ZC2HC1B: variants seen among roughly 807,000 people sequenced by gnomAD.
ZC2HC1B encodes the protein zinc finger C2HC-type containing 1B.
A neutral mutation model predicts 31.0 loss-of-function variants in ZC2HC1B; 36 were observed. The observed-to-expected ratio is 1.16, with a 90% confidence interval of 0.89 to 1.54. The LOEUF (loss-of-function observed/expected upper bound fraction) is 1.54, where lower values mean the gene tolerates loss of function less well. ZC2HC1B is among the 40% of genes most tolerant of loss of function. The probability of loss-of-function intolerance (pLI) is 0.00; values close to 1 mark genes in which losing one functional copy is unlikely to be tolerated. For synonymous variants in ZC2HC1B, 73 were observed against 88.0 expected, an observed-to-expected ratio of 0.83 and a Z score of 0.95; for missense variants, 260 against 268.6, an observed-to-expected ratio of 0.97 and a Z score of 0.22.
rs938740030 is a variant in ZC2HC1B, at chr6:143,923,763, C to T, written c.599-13886C>T. Among the ~76,000 whole-genome samples the T allele has an allele frequency of 3.3e-5, 5 of 152,040 alleles. No individual in the cohort carries two copies. The highest frequency in any genetic ancestry group is 1.2e-4 in the African/African-American group (5 of 41,416). Reference sequence around the variant, plus strand: ...GTTGAAAATCAGTTAGCTGTAAATACATGCATGTATTCCTGGAGTGTCTAT... The same window carrying T: ...GTTGAAAATCAGTTAGCTGTAAATATATGCATGTATTCCTGGAGTGTCTAT... On this transcript the variant is annotated intron_variant, in intron 6 of 7. Transcript: ENST00000237275. The surrounding 1 kb of genome is among the most constrained non-coding windows in gnomAD (Gnocchi z 4.8).
intron 4 of ZC2HC1B, among the ~76,000 whole-genome samples, chr6:143,897,127 C>T (rs1436198891): frequency 6.6e-6 from 1 of 151,970 alleles, no homozygotes; most frequent in Non-Finnish European, 1.5e-5. Flanking sequence ...GGAAACTCCC[C>T]AAACTGCTTA....
intron 6 of ZC2HC1B, among the ~76,000 whole-genome samples, chr6:143,926,676 T>G (rs1469427095): frequency 2.0e-5 from 3 of 152,050 alleles, no homozygotes; most frequent in African/African-American, 7.2e-5. Context: ...TGATTTTCTG[T>G]CTTGACGATC....
intron 6 of ZC2HC1B, among the ~76,000 whole-genome samples, chr6:143,904,818 T>C (rs1777775676): frequency 6.6e-6 from 1 of 152,248 alleles, no homozygotes; most frequent in South Asian, 2.1e-4. Context: ...TTCATTCTTT[T>C]GAATGTAGAT....
At chr6:143,900,441 A>AAGACAGGC (rs1306320302) in intron 5 of ZC2HC1B, among the ~76,000 whole-genome samples, 1 of 152,008 alleles carries the variant, frequency 6.6e-6, no homozygotes, top group African/African-American at 2.4e-5. Flanking sequence ...AGGGACAGGC[A>AAGACAGGC]AGACAGGCAG....
chr6:143,886,251 A>ACATTAC lies in ZC2HC1B; in HGVS notation c.210+100_210+101insCATTAC. On this transcript the variant is annotated intron_variant, in intron 3 of 7. Coordinates refer to ENST00000237275, the MANE Select transcript of ZC2HC1B (RefSeq NM_001013623.3). The surrounding 1 kb of genome is among the most constrained non-coding windows in gnomAD (Gnocchi z 4.2). The stretch of plus-strand genomic sequence containing the variant: ...TTTCATTTTTGCTTGATAATACAGT[A>ACATTAC]ATGTAATGTAACTGTAATCCACCTT... 2.4e-6 allele frequency: 3 copies of ACATTAC among 1,233,214 alleles called. No homozygotes were observed. Among genetic ancestry groups the ACATTAC allele is most frequent in the Non-Finnish European group, 2.1e-6 (2 of 955,252 alleles). 76.4% of individuals were successfully genotyped at this position (1,233,214 alleles called of 1,614,324 possible).
In ZC2HC1B at chr6:143,918,970, A is replaced by G. The variant is rs1190664495; in HGVS notation, c.598+15818A>G. Among the ~76,000 whole-genome samples, 4 of 151,754 alleles carry G rather than the reference A, an allele frequency of 2.6e-5. No homozygotes were observed. Among genetic ancestry groups the G allele is most frequent in the Non-Finnish European group, 4.4e-5 (3 of 67,952 alleles). ...AGATCTTTTTCTTGAGTCTCTTCAC[A>G]TCTTTTTTTAGTTCCCTGAGCATCT... On this transcript the variant is annotated intron_variant, in intron 6 of 7. Transcript: ENST00000237275. This position sits in a 1 kb window ranked among gnomAD's most constrained non-coding sequence, Gnocchi z 4.1.
chr6:143,888,206 G>A (rs1025446373), intron 4 of ZC2HC1B, among the ~76,000 whole-genome samples: 1 of 151,956 alleles, frequency 6.6e-6, no homozygotes, highest in Non-Finnish European at 1.5e-5. Flanking sequence ...AAAGTCACTT[G>A]ACCATATGTT....
At chr6:143,874,102 C>A (rs748938369) in intron 1 of ZC2HC1B, among the ~76,000 whole-genome samples, 1 of 152,168 alleles carries the variant, frequency 6.6e-6, no homozygotes, top group African/African-American at 2.4e-5. Flanking sequence ...TTTCTTCCAC[C>A]AGGTACCCTA....
At chr6:143,936,011 T>C (rs1778174205) in intron 6 of ZC2HC1B, among the ~76,000 whole-genome samples, 2 of 152,296 alleles carry the variant, frequency 1.3e-5, no homozygotes, top group African/African-American at 2.4e-5. Context: ...TTGTCTTTCA[T>C]CTAGATAGCA....
intron 1 of ZC2HC1B, among the ~76,000 whole-genome samples, chr6:143,866,426 A>AG (rs1777263336): frequency 1.3e-5 from 2 of 152,230 alleles, no homozygotes; most frequent in Non-Finnish European, 2.9e-5. Context: ...GCAGTGGCTC[A>AG]CCACTGCTGC....
chr6:143,898,531 T>C, intron 4 of ZC2HC1B, 21 bp from the exon 5 acceptor site: 1 of 1,550,442 alleles, frequency 6.4e-7, no homozygotes, highest in Non-Finnish European at 8.7e-7. Flanking sequence ...AATTGCCATT[T>C]GTTGTTATCT....
rs2128492649 is a variant in ZC2HC1B, at chr6:143,865,609, T to G, written c.28+1042T>G. ...CAAACCCTGAAGGCACAGTGTTTTA[T>G]TTATTGCTTTATCCTTAGGTCTGGA... On this transcript the variant is annotated intron_variant, in intron 1 of 7. Coordinates refer to ENST00000237275, the MANE Select transcript of ZC2HC1B (RefSeq NM_001013623.3). This position sits in a 1 kb window ranked among gnomAD's most constrained non-coding sequence, Gnocchi z 4.4. 6.6e-6 allele frequency among the ~76,000 whole-genome samples: 1 copy of G among 152,350 alleles called. No individual in the cohort carries two copies. The highest frequency in any genetic ancestry group is 2.1e-4 in the South Asian group (1 of 4,824).
At chr6:143,904,186 T>C (rs1777768111) in intron 6 of ZC2HC1B, among the ~76,000 whole-genome samples, 1 of 152,244 alleles carries the variant, frequency 6.6e-6, no homozygotes, top group Non-Finnish European at 1.5e-5. Context: ...TGAATTGTTT[T>C]TGTTGTTTTG....
rs1777931131 is a variant in ZC2HC1B, at chr6:143,917,284, C to T, written c.598+14132C>T. Among the ~76,000 whole-genome samples the T allele has an allele frequency of 6.6e-6, 1 of 152,146 alleles. No homozygotes were observed. The highest frequency in any genetic ancestry group is 1.5e-5 in the Non-Finnish European group (1 of 68,030). ...ACATGGAACTGTAAGTCCAATAAAC[C>T]TCTTTCTTTTGTAAATTGCCCAGTC... is the stretch of plus-strand genomic sequence containing the variant. On this transcript the variant is annotated intron_variant, in intron 6 of 7. Coordinates refer to ENST00000237275, the MANE Select transcript of ZC2HC1B (RefSeq NM_001013623.3). The surrounding 1 kb of genome is among the most constrained non-coding windows in gnomAD (Gnocchi z 4.1).
chr6:143,916,667 G>A (rs1047407723), intron 6 of ZC2HC1B, among the ~76,000 whole-genome samples: 8 of 152,232 alleles, frequency 5.3e-5, no homozygotes, highest in African/African-American at 1.7e-4. Flanking sequence ...TGTGAGATAT[G>A]GAGTCAAAGG....
At chr6:143,925,203 TCTCA>T (rs1254039404) in intron 6 of ZC2HC1B, among the ~76,000 whole-genome samples, 37 of 126,904 alleles carry the variant, frequency 2.9e-4, no homozygotes, top group Admixed American at 6.3e-4. Context: ...TGAGACAGAG[TCTCA>T]CTCTGTCGCC....
chr6:143,923,489 C>A lies in ZC2HC1B; in HGVS notation c.599-14160C>A, dbSNP rs1343268730. On this transcript the variant is annotated intron_variant, in intron 6 of 7. Coordinates refer to ENST00000237275, the MANE Select transcript of ZC2HC1B (RefSeq NM_001013623.3). This position sits in a 1 kb window ranked among gnomAD's most constrained non-coding sequence, Gnocchi z 4.8. ...CCATTTGTTTATTTTATTTTTGTTG[C>A]CTGTGCTTTTGAAGTCATGGCCACA... Among the ~76,000 whole-genome samples the A allele has an allele frequency of 6.6e-6, 1 of 151,990 alleles. No homozygotes were observed. Among genetic ancestry groups the A allele is most frequent in the Non-Finnish European group, 1.5e-5 (1 of 67,950 alleles).
chr6:143,908,157 A>G lies in ZC2HC1B; in HGVS notation c.598+5005A>G, dbSNP rs761129862. ...TCTCTGAGTCTTTTTGTACTAGTGT[A>G]ATGCTGTTTTGGTTACTGTAGCCTT... On this transcript the variant is annotated intron_variant, in intron 6 of 7. Coordinates refer to ENST00000237275, the MANE Select transcript of ZC2HC1B (RefSeq NM_001013623.3). This position sits in a 1 kb window ranked among gnomAD's most constrained non-coding sequence, Gnocchi z 4.4. 1.3e-5 allele frequency among the ~76,000 whole-genome samples: 2 copies of G among 151,958 alleles called. No homozygotes were observed. Among genetic ancestry groups the G allele is most frequent in the South Asian group, 4.2e-4 (2 of 4,812 alleles).
Position 143,933,100 on chromosome 6 carries a change from G to A in ZC2HC1B, c.599-4549G>A, listed in dbSNP as rs1382115972. 6.6e-6 allele frequency among the ~76,000 whole-genome samples: 1 copy of A among 152,216 alleles called. No individual in the cohort carries two copies. The highest frequency in any genetic ancestry group is 1.5e-5 in the Non-Finnish European group (1 of 68,048). On this transcript the variant is annotated intron_variant, in intron 6 of 7. Coordinates refer to ENST00000237275, the MANE Select transcript of ZC2HC1B (RefSeq NM_001013623.3). This position sits in a 1 kb window ranked among gnomAD's most constrained non-coding sequence, Gnocchi z 6.4. Reference sequence around the variant, plus strand: ...CCTTGGTTGTAAATATGTTTACTGTGTTGTCTTTCTTGAATGCTGGTTATG... The same window carrying A: ...CCTTGGTTGTAAATATGTTTACTGTATTGTCTTTCTTGAATGCTGGTTATG...
Sources: allele counts gnomAD v4.1 joint callset (sites outside exome capture counted in the v4.1 genomes callset), GRCh38; gene constraint gnomAD v4.1.1; non-coding constraint Gnocchi (gnomAD v3.1); transcripts MANE v1.5; gene names NCBI Gene and HGNC (gene_info 2026-07-23, HGNC 2026-07-21).